The following POMT1 variants were observed in gnomAD, a reference collection of about 807,000 sequenced individuals.
POMT1 encodes the protein protein O-mannosyl-transferase 1.
A neutral mutation model predicts 101.6 loss-of-function variants in POMT1; 85 were observed. The ratio of observed to expected loss-of-function variants is 0.84; its 90% confidence interval spans 0.70 to 1.00. The LOEUF is 1.00. Among genes scored for constraint, POMT1 ranks in the 50% least tolerant of loss-of-function variants. The probability of loss-of-function intolerance (pLI) is 0.00; values close to 1 mark genes in which losing one functional copy is unlikely to be tolerated. For synonymous variants in POMT1, 371 were observed against 383.0 expected (o/e 0.97, Z 0.37); for missense variants, 857 against 930.4 (o/e 0.92, Z 1.03).
At chr9:131,518,109 GACTTGCTC>G in intron 13 of POMT1, 3 of 399,154 alleles carry the variant, frequency 7.5e-6, no homozygotes, top group East Asian at 1.3e-4. Flanking sequence ...TAGGGACTGA[GACTTGCTC>G]ACTTTTTGGC....
chr9:131,520,988 C>T (rs1256128634), intron 17 of POMT1: 1 of 346,774 alleles, frequency 2.9e-6, no homozygotes, highest in Admixed American at 3.9e-5. Context: ...ATTACAGGTG[C>T]CCACCGCAAT....
At position 131,520,183 on chromosome 9, in the gene POMT1, C is replaced by G. The variant is rs1353667372; in HGVS notation, c.1688C>G (p.Pro563Arg). ...ACCAATATTGCCTACTGGCTGCACC[C>G]CAGGACCAGCGTAAGCGAGCGATGC... The part of the protein sequence containing the change: ...LDTNIAYWLH[P>R]RTSAQIHLLG... Residue 563 changes from proline to arginine, a missense_variant, in exon 17 of 20, where the codon CCC (proline) becomes CGC (arginine). Pro to Arg is a moderately radical substitution (Grantham distance 103). Coordinates refer to ENST00000402686, the MANE Select transcript of POMT1 (RefSeq NM_001077365.2). The G allele has an allele frequency of 6.2e-7, 1 of 1,613,038 alleles. No homozygotes were observed. The highest frequency in any genetic ancestry group is 1.7e-5 in the Admixed American group (1 of 60,014).
In POMT1 at chr9:131,508,933, A is replaced by C. The variant is rs1946463739; in HGVS notation, c.450A>C (p.Ser150=). The change falls in exon 6 of 20, where the codon TCA becomes TCC. Residue 150 remains serine (S), a synonymous_variant. Transcript: ENST00000402686. ...CAGAGAATGCTCTCATCACTCAGTC[A>C]AGGCTAATGCTTTTGGAATCAGTGT... ...MLIENALITQ[S]RLMLLESVLI... 6.2e-7 allele frequency: 1 copy of C among 1,613,412 alleles called. No individual in the cohort carries two copies. The highest frequency in any genetic ancestry group is 8.5e-7 in the Non-Finnish European group (1 of 1,179,452).
rs934691977 is a variant in POMT1 at position 131,504,265 on chromosome 9, A to G, written c.47A>G (p.Asn16Ser). 3.7e-6 allele frequency: 6 copies of G among 1,614,056 alleles called. No homozygotes were observed. The African/African-American group carries it at 4.0e-5, about 11-fold the overall frequency. Reference protein sequence around the residue: ...KRPVVVTADINLSLVALTGMG... With the variant: ...KRPVVVTADISLSLVALTGMG... Reference sequence around the variant, plus strand: ...CCTGTAGTGGTGACGGCTGACATCAACTTGAGCCTTGTGGCCCTGACTGGG... The same window carrying G: ...CCTGTAGTGGTGACGGCTGACATCAGCTTGAGCCTTGTGGCCCTGACTGGG... Residue 16 changes from asparagine (N) to serine (S), a missense_variant, in exon 2 of 20, where the codon AAC becomes AGC. Physicochemically the swap from Asn to Ser is conservative, Grantham distance 46 (BLOSUM62 1). Coordinates refer to ENST00000402686, the MANE Select transcript of POMT1 (RefSeq NM_001077365.2).
intron 13 of POMT1, among the ~76,000 whole-genome samples, chr9:131,516,043 ACG>A (rs1948433816): frequency 7.1e-6 from 1 of 140,356 alleles, no homozygotes; most frequent in African/African-American, 2.6e-5. Context: ...ACTTCCTCAC[ACG>A]GAGCACTTCC....
intron 17 of POMT1, 25 bp downstream of exon 17, chr9:131,520,218 ACAGT>A: frequency 6.4e-7 from 1 of 1,558,464 alleles, no homozygotes; most frequent in Non-Finnish European, 8.8e-7. Context: ...CTGACAGCTG[ACAGT>A]CATAGATTCA....
Position 131,523,466 on chromosome 9 carries a change from G to A in POMT1, c.*360G>A, listed in dbSNP as rs1470652644. Reference sequence around the variant, plus strand: ...TGGTCCTTGCTAACTGCTGCAGGGTGGAGTTTGATCTGGCAGACCCGATCC... The same window carrying A: ...TGGTCCTTGCTAACTGCTGCAGGGTAGAGTTTGATCTGGCAGACCCGATCC... On this transcript the variant is annotated 3_prime_UTR_variant, in exon 20 of 20. Transcript: ENST00000402686. 5.9e-6 allele frequency: 2 copies of A among 337,906 alleles called. No individual in the cohort carries two copies. Among genetic ancestry groups the A allele is most frequent in the Non-Finnish European group, 5.8e-6 (1 of 173,678 alleles). The allele number at this position is 337,906 out of a possible 1,614,324, so 20.9% of individuals were successfully genotyped here.
chr9:131,522,972 G>T lies in POMT1; in HGVS notation c.2044G>T (p.Ala682Ser). 1 of 1,602,740 alleles carries T rather than the reference G, an allele frequency of 6.2e-7. No individual in the cohort carries two copies. The highest frequency in any genetic ancestry group is 8.5e-7 in the Non-Finnish European group (1 of 1,176,416). Residue 682 changes from alanine to serine, a missense_variant, in exon 20 of 20, where the codon GCC (alanine) becomes TCC (serine). Ala to Ser is a moderately conservative substitution (Grantham distance 99). Coordinates refer to ENST00000402686, the MANE Select transcript of POMT1 (RefSeq NM_001077365.2). This position sits in a 1 kb window ranked among gnomAD's most constrained non-coding sequence, Gnocchi z 5.5. ...GAGCATCTTCAGCGCCCTGGTGGTGGCCTGGTACTCCTCCGCGTGCCACGT... is the reference window on the plus strand; with the variant it reads ...GAGCATCTTCAGCGCCCTGGTGGTGTCCTGGTACTCCTCCGCGTGCCACGT... Reference protein sequence around the residue: ...QRSIFSALVVAWYSSACHVSN... With the variant: ...QRSIFSALVVSWYSSACHVSN...
At position 131,506,503 on chromosome 9, in the gene POMT1, G is replaced by A. The variant is rs552791096; in HGVS notation, c.280+50G>A. 35 of 1,534,728 alleles carry A rather than the reference G, an allele frequency of 2.3e-5. No homozygotes were observed. The South Asian group carries it at 3.5e-4, about 15-fold the overall frequency. On this transcript the variant is annotated intron_variant, in intron 4 of 19. Coordinates refer to ENST00000402686, the MANE Select transcript of POMT1 (RefSeq NM_001077365.2). ...TTTAATGTGCGCAGGTTAGAATGAAGAGATTGTGACTTTTGTAAGGATTAA... is the reference window on the plus strand; with the variant it reads ...TTTAATGTGCGCAGGTTAGAATGAAAAGATTGTGACTTTTGTAAGGATTAA...
At chr9:131,505,155 A>AC (rs1223823204) in intron 2 of POMT1, among the ~76,000 whole-genome samples, 15 of 148,222 alleles carry the variant, frequency 1.0e-4, no homozygotes, top group Admixed American at 3.4e-4. Context: ...ATAATGAATG[A>AC]CCCCCCCACA....
In POMT1 at chr9:131,523,350, C is replaced by A; in HGVS notation, c.*244C>A. On this transcript the variant is annotated 3_prime_UTR_variant, in exon 20 of 20. Coordinates refer to ENST00000402686, the MANE Select transcript of POMT1 (RefSeq NM_001077365.2). ...GTGTCTTTACCCCTGAACTAAGACA[C>A]AGGGAGTATTTCAGAGGCCAGCGTA... 3.7e-6 allele frequency: 2 copies of A among 540,328 alleles called. No individual in the cohort carries two copies. The highest frequency in any genetic ancestry group is 6.7e-6 in the Non-Finnish European group (2 of 300,138). The allele number at this position is 540,328 out of a possible 1,614,324, so 33.5% of individuals were successfully genotyped here.
In POMT1 at chr9:131,507,641, C is replaced by T. The variant is rs181686836; in HGVS notation, c.427+127C>T. On this transcript the variant is annotated intron_variant, in intron 5 of 19. Transcript: ENST00000402686. ...GTGCATCTGGTTCATCCAAATTTGA[C>T]GCTGCAAGTCACCCGCTCCCAGGCT... 5.2e-6 allele frequency: 7 copies of T among 1,354,596 alleles called. No individual in the cohort carries two copies. In the South Asian group the frequency reaches 6.1e-5, roughly 12 times the overall value. 83.9% of individuals were successfully genotyped at this position (1,354,596 alleles called of 1,614,324 possible). A position where few individuals can be genotyped will look rare whatever the true frequency, so the allele number is the denominator to read the frequency against.
Position 131,518,538 on chromosome 9 carries a change from G to A in POMT1, c.1365+1G>A. On this transcript the variant is annotated splice_donor_variant, in intron 14 of 19. Transcript: ENST00000402686. LOFTEE classifies it high-confidence loss of function. ...CGTGAACACTTCCGCTGTCTTAAAG[G>A]TAAGGACACTGTCCGTGGCTTGGCC... The A allele has an allele frequency of 6.2e-7, 1 of 1,612,614 alleles. No individual in the cohort carries two copies. The highest frequency in any genetic ancestry group is 8.5e-7 in the Non-Finnish European group (1 of 1,178,864).
chr9:131,515,651 C>T, intron 13 of POMT1, 129 bp downstream of exon 13: 1 of 855,204 alleles, frequency 1.2e-6, no homozygotes, highest in Non-Finnish European at 1.9e-6. Flanking sequence ...TCACACGGAG[C>T]ACTTCCTCTA....
intron 9 of POMT1, 123 bp downstream of exon 9, chr9:131,510,538 T>G: frequency 7.6e-7 from 1 of 1,323,818 alleles, no homozygotes. Context: ...TCCACATCCA[T>G]ATTTCTTTTT....
intron 5 of POMT1, among the ~76,000 whole-genome samples, 153 bp downstream of exon 5, chr9:131,507,667 G>A (rs1017938081): frequency 1.3e-5 from 2 of 152,220 alleles, no homozygotes; most frequent in Non-Finnish European, 2.9e-5. Context: ...CTCCCAGGCT[G>A]ACCCCGTGGT....
At chr9:131,508,162 G>GGGAGGT (rs776119475) in intron 5 of POMT1, among the ~76,000 whole-genome samples, 18 of 151,952 alleles carry the variant, frequency 1.2e-4, no homozygotes, top group Non-Finnish European at 2.4e-4. Context: ...GCTTGAACCT[G>GGGAGGT]GGAGGTGGAG....
chr9:131,520,117 A>C lies in POMT1; in HGVS notation c.1622A>C (p.His541Pro). 5 of 1,613,830 alleles carry C rather than the reference A, an allele frequency of 3.1e-6. No homozygotes were observed. The highest frequency in any genetic ancestry group is 2.7e-5 in the African/African-American group (2 of 75,032). ...GCGCTGAGAAGTGATGACTCGGAACACAAGTACAGCTCCAGCCCACTGGAG... is the reference window on the plus strand; with the variant it reads ...GCGCTGAGAAGTGATGACTCGGAACCCAAGTACAGCTCCAGCCCACTGGAG... ...MLALRSDDSE[H>P]KYSSSPLEWV... The change falls in exon 17 of 20, where the codon CAC (histidine) becomes CCC (proline). Residue 541 changes from histidine to proline, a missense_variant. Transcript: ENST00000402686.
At chr9:131,506,376 T>G in intron 3 of POMT1, 27 bp from the exon 4 acceptor site, 1 of 1,605,704 alleles carries the variant, frequency 6.2e-7, no homozygotes, top group Non-Finnish European at 8.5e-7. Context: ...CTGAATGGGA[T>G]AGTTACTGAT....
Sources: allele counts gnomAD v4.1 joint callset (sites outside exome capture counted in the v4.1 genomes callset), GRCh38; gene constraint gnomAD v4.1.1; non-coding constraint Gnocchi (gnomAD v3.1); transcripts MANE v1.5; gene names NCBI Gene and HGNC (gene_info 2026-07-23, HGNC 2026-07-21).